The following WIPF3 variants were observed in gnomAD, a reference collection of about 807,000 sequenced individuals.
WIPF3 encodes the protein WAS/WASL interacting protein family member 3.
In WIPF3, 33 loss-of-function variants were observed where a neutral mutation model predicts 38.9. The ratio of observed to expected loss-of-function variants is 0.85; its 90% CI spans 0.64 to 1.14. The LOEUF (loss-of-function observed/expected upper bound fraction) is 1.14, where lower values mean the gene tolerates loss of function less well. Among genes scored for constraint, WIPF3 ranks in the 50% most tolerant of loss-of-function variants. The pLI is 0.00. For synonymous variants in WIPF3, 324 were observed against 269.3 expected, an observed-to-expected ratio of 1.20 and a Z score of -1.99; for missense variants, 711 against 652.5, an observed-to-expected ratio of 1.09 and a Z score of -0.98.
At chr7:29,897,962 A>C (rs2128079294) in intron 7 of WIPF3, among the ~76,000 whole-genome samples, 1 of 152,230 alleles carries the variant, frequency 6.6e-6, no homozygotes, top group South Asian at 2.1e-4. Context: ...ATCTCTCTGG[A>C]CCTACTCTGG....
chr7:29,837,520 A>G (rs1010634775), intron 2 of WIPF3, among the ~76,000 whole-genome samples: 2 of 152,248 alleles, frequency 1.3e-5, no homozygotes, highest in Admixed American at 1.3e-4. Context: ...GCTTAAATGC[A>G]TAATAAAAAT....
At chr7:29,846,517 A>G (rs958799238) in intron 2 of WIPF3, among the ~76,000 whole-genome samples, 2 of 152,216 alleles carry the variant, frequency 1.3e-5, no homozygotes, top group African/African-American at 4.8e-5. Flanking sequence ...CCTGGCCAAT[A>G]TGGTGAAACC....
chr7:29,902,095 C>T (rs1480621304), intron 7 of WIPF3, among the ~76,000 whole-genome samples: 2 of 151,838 alleles, frequency 1.3e-5, no homozygotes, highest in Admixed American at 1.3e-4. Flanking sequence ...ACCGCCCCCA[C>T]AATAGAGAGT....
At chr7:29,835,924 GA>G (rs1784792723) in intron 2 of WIPF3, among the ~76,000 whole-genome samples, 1 of 152,168 alleles carries the variant, frequency 6.6e-6, no homozygotes, top group Non-Finnish European at 1.5e-5. Flanking sequence ...TGTTGGCTAT[GA>G]AGGGAGAGCC....
intron 2 of WIPF3, among the ~76,000 whole-genome samples, chr7:29,869,741 G>T (rs1785461455): frequency 6.6e-6 from 1 of 152,070 alleles, no homozygotes. Flanking sequence ...AAGAGACTTA[G>T]AATTAATACT....
At chr7:29,860,845 C>A (rs1583607207) in intron 2 of WIPF3, among the ~76,000 whole-genome samples, 1 of 151,758 alleles carries the variant, frequency 6.6e-6, no homozygotes, top group Non-Finnish European at 1.5e-5. Context: ...GGTTTTAAGT[C>A]TGGTTAACTT....
chr7:29,914,684 G>T lies in WIPF3; in HGVS notation c.*168G>T. The T allele has an allele frequency of 2.2e-6, 1 of 455,312 alleles. No homozygotes were observed. Among genetic ancestry groups the T allele is most frequent in the South Asian group, 8.1e-5 (1 of 12,360 alleles). The allele number at this position is 455,312 out of a possible 1,614,324, so 28.2% of individuals were successfully genotyped here. On this transcript the variant is annotated 3_prime_UTR_variant, in exon 9 of 9. Coordinates refer to ENST00000242140, the MANE Select transcript of WIPF3 (RefSeq NM_001080529.3). ...CGGGCTTTAAAGCAGTATTTTAATT[G>T]ACTTTTATTTCGGTAATATTTTTTA...
In WIPF3 at chr7:29,884,264, T is replaced by TTGCCCCC; in HGVS notation, c.770_771insTGCCCCC (p.Pro258AlafsTer62). 2.2e-4 allele frequency: 293 copies of TTGCCCCC among 1,315,062 alleles called. No individual in the cohort carries two copies. Among genetic ancestry groups the TTGCCCCC allele is most frequent in the Non-Finnish European group, 2.7e-4 (272 of 992,502 alleles). The allele number at this position is 1,315,062 out of a possible 1,614,324, so 81.5% of individuals were successfully genotyped here. A position where few individuals can be genotyped will look rare whatever the true frequency, so the allele number is the denominator to read the frequency against. Reference sequence around the variant, plus strand: ...AAGCCTCAGCTGGCTCCCTTGCACCTCCCGCCCATCCCGCCCCCGCTCCCT... The same window carrying TTGCCCCC: ...AAGCCTCAGCTGGCTCCCTTGCACCTTGCCCCCCCCGCCCATCCCGCCCCCGCTCCCT... On this transcript the variant is annotated frameshift_variant, in exon 5 of 9. Transcript: ENST00000242140. LOFTEE classifies it high-confidence loss of function.
At chr7:29,879,280 C>T (rs1164185425) in intron 4 of WIPF3, 140 bp downstream of exon 4, 1 of 1,055,610 alleles carries the variant, frequency 9.5e-7, no homozygotes, top group Non-Finnish European at 1.3e-6. Flanking sequence ...GTTCTTGGGA[C>T]CTTAAGCACT....
Position 29,884,166 on chromosome 7 carries a change from A to T in WIPF3, c.672A>T (p.Pro224=). ...VVAPPVPCAP[P]PPPPPPPPTP... ...CACCCCCCGTCCCCTGTGCGCCACC[A>T]CCTCCACCTCCGCCACCTCCCCCAA... The change falls in exon 5 of 9, where the codon CCA becomes CCT. Residue 224 remains proline, a synonymous_variant. Transcript: ENST00000242140. The T allele has an allele frequency of 7.7e-7, 1 of 1,300,862 alleles. No homozygotes were observed. Among genetic ancestry groups the T allele is most frequent in the Non-Finnish European group, 9.9e-7 (1 of 1,014,706 alleles). The allele number at this position is 1,300,862 out of a possible 1,614,324, so 80.6% of individuals were successfully genotyped here.
At chr7:29,826,986 G>A (rs1384321800) in intron 1 of WIPF3, among the ~76,000 whole-genome samples, 3 of 151,984 alleles carry the variant, frequency 2.0e-5, no homozygotes, top group Non-Finnish European at 2.9e-5. Flanking sequence ...AGATAATAAT[G>A]GTATCTATCT....
At position 29,823,796 on chromosome 7, in the gene WIPF3, A is replaced by C. The variant is rs1784576242; in HGVS notation, c.-57-10872A>C. Among the ~76,000 whole-genome samples the C allele has an allele frequency of 6.6e-6, 1 of 152,096 alleles. No homozygotes were observed. The highest frequency in any genetic ancestry group is 6.5e-5 in the Admixed American group (1 of 15,270). ...AGTTCTCACGAGATCTGATTGTTTA[A>C]AAGTGCGTGGCACCCCCACCCCAGT... On this transcript the variant is annotated intron_variant, in intron 1 of 8. Coordinates refer to ENST00000242140, the MANE Select transcript of WIPF3 (RefSeq NM_001080529.3). The surrounding 1 kb of genome is among the most constrained non-coding windows in gnomAD (Gnocchi z 4.0).
intron 2 of WIPF3, 124 bp from the exon 3 acceptor site, chr7:29,875,706 G>A: frequency 7.7e-7 from 1 of 1,305,546 alleles, no homozygotes; most frequent in Non-Finnish European, 1.1e-6. Context: ...TAGGTAATCT[G>A]AGATCAGCCT....
In WIPF3 at chr7:29,889,396, A is replaced by G. The variant is rs1785960540; in HGVS notation, c.1340A>G (p.Lys447Arg). 17 of 1,613,794 alleles carry G rather than the reference A, an allele frequency of 1.1e-5. No individual in the cohort carries two copies. Among genetic ancestry groups the G allele is most frequent in the Non-Finnish European group, 1.4e-5 (17 of 1,179,730 alleles). ...YKPCQKIYPS[K>R]IPRSRTPGPW... Reference sequence around the variant, plus strand: ...CCATGCCAGAAGATTTACCCCAGCAAGATCCCCAGAAGTAAGTACCACCTT... The same window carrying G: ...CCATGCCAGAAGATTTACCCCAGCAGGATCCCCAGAAGTAAGTACCACCTT... The change falls in exon 7 of 9, where the codon AAG (lysine) becomes AGG (arginine). Residue 447 changes from lysine (K) to arginine (R), a missense_variant. Coordinates refer to ENST00000242140, the MANE Select transcript of WIPF3 (RefSeq NM_001080529.3).
intron 2 of WIPF3, among the ~76,000 whole-genome samples, chr7:29,866,607 A>G (rs879524264): frequency 1.3e-5 from 2 of 152,238 alleles, no homozygotes; most frequent in Admixed American, 1.3e-4. Context: ...TGCACTCATC[A>G]GGCTCTTCTC....
At position 29,831,291 on chromosome 7, in the gene WIPF3, C is replaced by T. The variant is rs59088575; in HGVS notation, c.-57-3377C>T. 1.4e-3 allele frequency among the ~76,000 whole-genome samples: 213 copies of T among 152,256 alleles called. 1 individual carries two copies. Among genetic ancestry groups the T allele is most frequent in the African/African-American group, 4.6e-3 (193 of 41,568 alleles). ...TTTGTTCAGACATGACTCCTAGTGC[C>T]GTTGGCCATGGGTTGTCTTGTTCTA... On this transcript the variant is annotated intron_variant, in intron 1 of 8. Coordinates refer to ENST00000242140, the MANE Select transcript of WIPF3 (RefSeq NM_001080529.3).
At chr7:29,835,420 T>G (rs2128065562) in intron 2 of WIPF3, among the ~76,000 whole-genome samples, 1 of 152,286 alleles carries the variant, frequency 6.6e-6, no homozygotes, top group East Asian at 1.9e-4. Context: ...ATTCTCAGCC[T>G]TGGCACCACT....
chr7:29,886,347 CTTTTTTTTTTTT>C (rs11337399), intron 5 of WIPF3, among the ~76,000 whole-genome samples: 5 of 46,572 alleles, frequency 1.1e-4, no homozygotes, highest in African/African-American at 2.8e-4. Flanking sequence ...AAAGACAAAG[CTTTTTTTTTTTT>C]TTTTTTTTTT....
At chr7:29,831,759 T>G (rs561748572) in intron 1 of WIPF3, among the ~76,000 whole-genome samples, 1 of 152,310 alleles carries the variant, frequency 6.6e-6, no homozygotes, top group Non-Finnish European at 1.5e-5. Context: ...ACATAGGACC[T>G]TTGCTACAGT....
Sources: gnomAD v4.1 joint callset for allele counts (sites outside exome capture counted in the v4.1 genomes callset) on GRCh38, gnomAD v4.1.1 for gene constraint, Gnocchi (gnomAD v3.1) non-coding constraint, MANE v1.5 for transcripts, NCBI Gene and HGNC (gene_info 2026-07-23, HGNC 2026-07-21) for gene names.